USP9X: variants seen among roughly 807,000 people sequenced by gnomAD.
USP9X encodes ubiquitin specific peptidase 9 X-linked.
Under a neutral mutation model 190.3 loss-of-function variants are expected in USP9X, and 7 were observed. That is an observed-to-expected ratio of 0.04 (90% CI 0.02 to 0.07). USP9X has a LOEUF of 0.07. Ranked by LOEUF, USP9X falls within the 10% of genes least tolerant of loss-of-function variation. The pLI, the probability that USP9X is intolerant of heterozygous loss-of-function variation, is 1.00. For missense variants in USP9X, 1,010 were observed against 1,916.9 expected, an observed-to-expected ratio of 0.53 and a Z score of 8.83; for synonymous variants, 645 against 659.5, an observed-to-expected ratio of 0.98 and a Z score of 0.34.
intron 2 of USP9X, among the ~76,000 whole-genome samples, chrX:41,127,341 T>C (rs2062264757): frequency 8.9e-6 from 1 of 112,131 alleles, no homozygotes; most frequent in Admixed American, 9.5e-5. Flanking sequence ...CAGAGACTTA[T>C]GTATAATTCC....
intron 30 of USP9X, 84 bp downstream of exon 30, chrX:41,198,834 C>T (rs771792943): frequency 2.3e-4 from 205 of 884,113 alleles, no homozygotes; most frequent in Middle Eastern, 8.1e-4. Flanking sequence ...AAAATATTTC[C>T]AACTTACGTA....
chrX:41,139,241 C>G (rs1283463134), intron 6 of USP9X, among the ~76,000 whole-genome samples: 1 of 112,112 alleles, frequency 8.9e-6, no homozygotes, highest in African/African-American at 3.2e-5. Flanking sequence ...ATTAAGTACT[C>G]GAGTTTTAAT....
At chrX:41,217,855 A>C (rs754075959) in intron 36 of USP9X, among the ~76,000 whole-genome samples, 4 of 111,852 alleles carry the variant, frequency 3.6e-5, no homozygotes, top group Admixed American at 9.5e-5. Context: ...GTGCCACTGC[A>C]CTCCAGCCTG....
chrX:41,230,020 G>A (rs1238634163), intron 43 of USP9X: 1 of 435,411 alleles, frequency 2.3e-6, no homozygotes, highest in African/African-American at 2.5e-5. Flanking sequence ...GGCCAACAAG[G>A]TGAAATCCCA....
intron 2 of USP9X, among the ~76,000 whole-genome samples, chrX:41,128,273 C>T (rs2062274073): frequency 1.8e-5 from 2 of 111,811 alleles, no homozygotes; most frequent in African/African-American, 6.5e-5. Context: ...TAATTTCTGT[C>T]ATGGCTTATA....
At position 41,196,613 on chromosome X, in the gene USP9X, A is replaced by G; in HGVS notation, c.4108A>G (p.Lys1370Glu). ...VLGSTARERA[K>E]HSGDYFTLLR... ...CCAGAGCACAGCAAGAGAGAGAGCT[A>G]AACACTCAGGCGACTACTTTACTCT... The change falls in exon 28 of 45, where the codon AAA (lysine) becomes GAA (glutamate). Residue 1370 changes from lysine (K) to glutamate (E), a missense_variant. Coordinates refer to ENST00000378308, the MANE Select transcript of USP9X (RefSeq NM_001039591.3). 2 of 1,209,280 alleles carry G rather than the reference A, an allele frequency of 1.7e-6. No individual in the cohort carries two copies. The highest frequency in any genetic ancestry group is 1.1e-6 in the Non-Finnish European group (1 of 894,472).
intron 6 of USP9X, among the ~76,000 whole-genome samples, chrX:41,140,279 T>G (rs925803335): frequency 1.1e-4 from 12 of 112,314 alleles, no homozygotes; most frequent in African/African-American, 3.9e-4. Context: ...CCAAGTAGCT[T>G]CTTCTTAACT....
intron 26 of USP9X, among the ~76,000 whole-genome samples, chrX:41,195,561 G>A (rs1274903023): frequency 5.4e-5 from 6 of 111,350 alleles, no homozygotes; most frequent in Non-Finnish European, 1.1e-4. Flanking sequence ...TGGCACCAGG[G>A]CCCAGTTTCA....
At chrX:41,230,336 G>GTTTTTTTTTTTT (rs11348635) in intron 43 of USP9X, among the ~76,000 whole-genome samples, 165 bp from the exon 44 acceptor site, 2 of 95,844 alleles carry the variant, frequency 2.1e-5, no homozygotes, top group Non-Finnish European at 2.1e-5. Flanking sequence ...TTTTTGTTTT[G>GTTTTTTTTTTTT]TTTTTTTTTT....
intron 33 of USP9X, among the ~76,000 whole-genome samples, chrX:41,213,625 T>C (rs994919531): frequency 8.9e-6 from 1 of 112,108 alleles, no homozygotes; most frequent in African/African-American, 3.2e-5. Flanking sequence ...ATAAATTTAC[T>C]ATCTGGCCCT....
intron 32 of USP9X, among the ~76,000 whole-genome samples, 162 bp from the exon 33 acceptor site, chrX:41,210,347 A>AT (rs1322106398): frequency 3.6e-5 from 4 of 112,218 alleles, no homozygotes; most frequent in African/African-American, 1.3e-4. Flanking sequence ...GGGAAAGCAC[A>AT]TTCTTTTTTT....
intron 38 of USP9X, among the ~76,000 whole-genome samples, chrX:41,221,997 G>A (rs2063267680): frequency 9.0e-6 from 1 of 111,335 alleles, no homozygotes; most frequent in Non-Finnish European, 1.9e-5. Context: ...ATGAACAACT[G>A]TGAGTGGATA....
In USP9X at chrX:41,225,037, A is replaced by C; in HGVS notation, c.6973-12A>C. On this transcript the variant is annotated splice_polypyrimidine_tract_variant and intron_variant, in intron 40 of 44. Coordinates refer to ENST00000378308, the MANE Select transcript of USP9X (RefSeq NM_001039591.3). Reference sequence around the variant, plus strand: ...TTCATTAAGTTACTCACCATGTCTTACTTGTTTTTAGGTTGCATATTCCTA... The same window carrying C: ...TTCATTAAGTTACTCACCATGTCTTCCTTGTTTTTAGGTTGCATATTCCTA... The C allele has an allele frequency of 8.3e-7, 1 of 1,210,550 alleles. No homozygotes were observed.
Position 41,235,431 on chromosome X carries a change from C to A in USP9X, c.*2907C>A, listed in dbSNP as rs2063392860. On this transcript the variant is annotated 3_prime_UTR_variant, in exon 45 of 45. Coordinates refer to ENST00000378308, the MANE Select transcript of USP9X (RefSeq NM_001039591.3). ...AACTGATTTTTTGAGCCATATATTTCCTATTTTAAATGTTTGCGGAATCGC... is the reference window on the plus strand; with the variant it reads ...AACTGATTTTTTGAGCCATATATTTACTATTTTAAATGTTTGCGGAATCGC... The A allele has an allele frequency of 8.9e-6, 1 of 112,640 alleles. No individual in the cohort carries two copies. The highest frequency in any genetic ancestry group is 3.2e-5 in the African/African-American group (1 of 30,954). The allele number at this position is 112,640 out of a possible 1,213,427, so 9.3% of individuals were successfully genotyped here. A position where few individuals can be genotyped will look rare whatever the true frequency, so the allele number is the denominator to read the frequency against.
At chrX:41,113,195 C>A (rs113729754) in intron 1 of USP9X, among the ~76,000 whole-genome samples, 14,873 of 111,442 alleles carry the variant, frequency 0.13, 896 homozygotes, top group East Asian at 0.22. Flanking sequence ...CTTAAAAATA[C>A]GTTTTTTTGT....
intron 31 of USP9X, among the ~76,000 whole-genome samples, chrX:41,201,503 C>G (rs1427779237): frequency 9.0e-6 from 1 of 111,211 alleles, no homozygotes; most frequent in Non-Finnish European, 1.9e-5. Flanking sequence ...GATCATGCCA[C>G]TGCACTCCAG....
intron 25 of USP9X, among the ~76,000 whole-genome samples, chrX:41,188,972 A>G (rs1420639600): frequency 8.9e-6 from 1 of 112,383 alleles, no homozygotes; most frequent in African/African-American, 3.2e-5. Flanking sequence ...ACTAGTCAAA[A>G]GTACCTAAGT....
At chrX:41,149,098 T>C (rs1440688070) in intron 12 of USP9X, among the ~76,000 whole-genome samples, 1 of 112,031 alleles carries the variant, frequency 8.9e-6, no homozygotes, top group Non-Finnish European at 1.9e-5. Flanking sequence ...TTTGTTACAC[T>C]GATGAACTGG....
At chrX:41,099,103 T>G (rs1230279824) in intron 1 of USP9X, among the ~76,000 whole-genome samples, 3 of 78,858 alleles carry the variant, frequency 3.8e-5, no homozygotes, top group African/African-American at 5.8e-5. Flanking sequence ...ATTGTTTTTT[T>G]TTTTTTTTTT....
Sources: allele counts gnomAD v4.1 joint callset (sites outside exome capture counted in the v4.1 genomes callset), GRCh38; gene constraint gnomAD v4.1.1; transcripts MANE v1.5; gene names NCBI Gene and HGNC (gene_info 2026-07-23, HGNC 2026-07-21).